The following CRTC3 variants were observed in gnomAD, a reference collection of about 807,000 sequenced individuals.
CRTC3 encodes CREB-regulated transcription coactivator 3.
In CRTC3, 26 loss-of-function variants were observed where a neutral mutation model predicts 74.5. That is an observed-to-expected ratio of 0.35 (90% confidence interval 0.26 to 0.48). The LOEUF (loss-of-function observed/expected upper bound fraction) is 0.48. CRTC3 is among the 20% of genes least tolerant of loss of function. The pLI is 0.99. For missense variants in CRTC3, 760 were observed against 787.3 expected, an observed-to-expected ratio of 0.97 and a Z score of 0.41; for synonymous variants, 377 against 325.8, an observed-to-expected ratio of 1.16 and a Z score of -1.69.
intron 6 of CRTC3, among the ~76,000 whole-genome samples, chr15:90,607,697 C>T (rs531116494): frequency 3.7e-4 from 57 of 152,344 alleles, no homozygotes; most frequent in Admixed American, 3.0e-3. Flanking sequence ...GCACGCTCTC[C>T]CTCTTGGTGT....
intron 2 of CRTC3, among the ~76,000 whole-genome samples, chr15:90,568,391 C>T (rs1224146165): frequency 2.0e-5 from 3 of 152,020 alleles, no homozygotes; most frequent in African/African-American, 7.3e-5. Context: ...CGCTCTGTCA[C>T]CCATGCTGGA....
intron 11 of CRTC3, among the ~76,000 whole-genome samples, chr15:90,637,551 TAA>T (rs1359162920): frequency 6.6e-6 from 1 of 151,746 alleles, no homozygotes; most frequent in Non-Finnish European, 1.5e-5. Flanking sequence ...CTTAAAAAAA[TAA>T]AATATTAAAG....
chr15:90,619,935 C>G, intron 9 of CRTC3, 145 bp downstream of exon 9: 1 of 662,558 alleles, frequency 1.5e-6, no homozygotes, highest in Non-Finnish European at 2.7e-6. Flanking sequence ...AAAACAGCCA[C>G]TCTCTTTTGA....
At chr15:90,601,079 G>A (rs1012286834) in intron 3 of CRTC3, among the ~76,000 whole-genome samples, 7 of 152,178 alleles carry the variant, frequency 4.6e-5, no homozygotes, top group African/African-American at 1.7e-4. Flanking sequence ...TTGCCTTTTA[G>A]GCTGAACAAA....
intron 3 of CRTC3, chr15:90,598,427 C>T (rs1180290479): frequency 1.4e-6 from 1 of 703,032 alleles, no homozygotes; most frequent in Admixed American, 2.0e-5. Flanking sequence ...AGAGTAAGAA[C>T]TGTTCCCTCT....
intron 11 of CRTC3, among the ~76,000 whole-genome samples, chr15:90,633,890 C>A (rs75062850): frequency 0.021 from 3,160 of 152,060 alleles, 130 homozygotes; most frequent in African/African-American, 0.073. Flanking sequence ...TTTCTGCTCT[C>A]ATTTTTAAAT....
At chr15:90,634,872 G>T in intron 11 of CRTC3, 1 of 1,554,522 alleles carries the variant, frequency 6.4e-7, no homozygotes, top group South Asian at 1.1e-5. Context: ...AGTCACTGTT[G>T]GATCGGGTTC....
At chr15:90,588,994 T>G (rs1326382574) in intron 2 of CRTC3, among the ~76,000 whole-genome samples, 1 of 152,232 alleles carries the variant, frequency 6.6e-6, no homozygotes, top group African/African-American at 2.4e-5. Flanking sequence ...GAACTTGAAC[T>G]GTTTCTTTGA....
intron 2 of CRTC3, among the ~76,000 whole-genome samples, chr15:90,584,448 G>T (rs981456545): frequency 1.3e-5 from 2 of 151,986 alleles, no homozygotes; most frequent in African/African-American, 2.4e-5. Flanking sequence ...TGTTGGTCAG[G>T]CTGGTCTCGA....
chr15:90,536,852 G>A (rs1371255728), intron 1 of CRTC3, among the ~76,000 whole-genome samples: 1 of 151,174 alleles, frequency 6.6e-6, no homozygotes, highest in African/African-American at 2.5e-5. Context: ...CTAAGGGGGT[G>A]GCCTCTTCTC....
chr15:90,535,379 A>G (rs1376334912), intron 1 of CRTC3, among the ~76,000 whole-genome samples: 1 of 152,070 alleles, frequency 6.6e-6, no homozygotes. Flanking sequence ...GACACAAAAG[A>G]TGTGTCCTTT....
At position 90,586,763 on chromosome 15, in the gene CRTC3, T is replaced by C. The variant is rs143977381; in HGVS notation, c.232-6873T>C. 9.9e-4 allele frequency among the ~76,000 whole-genome samples: 151 copies of C among 152,376 alleles called. 1 individual carries two copies. The highest frequency in any genetic ancestry group is 3.5e-3 in the African/African-American group (146 of 41,600). ...TTGGAAATTACATTTCTCCTGTTTTTAATAACTGTATAAAAATACAACTAT... is the reference window on the plus strand; with the variant it reads ...TTGGAAATTACATTTCTCCTGTTTTCAATAACTGTATAAAAATACAACTAT... On this transcript the variant is annotated intron_variant, in intron 2 of 14. Transcript: ENST00000268184.
rs147594643 is a variant in CRTC3 at position 90,634,915 on chromosome 15, G to T, written c.1267-3531G>T. 3.7e-3 allele frequency: 5,816 copies of T among 1,577,314 alleles called. 211 individuals are homozygous for T. In the African/African-American group the frequency reaches 0.07, roughly 19 times the overall value. ...AAGGCTGGAGAGATTCAACCAGTTA[G>T]CGTGAAAGTTGGAGATAAAGTTCTT... On this transcript the variant is annotated intron_variant, in intron 11 of 14. Coordinates refer to ENST00000268184, the MANE Select transcript of CRTC3 (RefSeq NM_022769.5).
At position 90,640,814 on chromosome 15, in the gene CRTC3, A is replaced by G. The variant is rs1373386604; in HGVS notation, c.1549-283A>G. Among the ~76,000 whole-genome samples, 3 of 152,180 alleles carry G rather than the reference A, an allele frequency of 2.0e-5. No homozygotes were observed. The East Asian group carries it at 5.8e-4, about 29-fold the overall frequency. On this transcript the variant is annotated intron_variant, in intron 13 of 14. Transcript: ENST00000268184. ...GCTGAGGACAGATGTCTGAGGGGCC[A>G]CAGAAACCATGAGCATTGGTGTCTC...
intron 10 of CRTC3, among the ~76,000 whole-genome samples, chr15:90,626,934 A>G (rs557170455): frequency 2.1e-4 from 32 of 152,366 alleles, no homozygotes; most frequent in African/African-American, 7.5e-4. Flanking sequence ...TGTCTAGGGC[A>G]GGTGATAATC....
chr15:90,535,727 G>A (rs1284819753), intron 1 of CRTC3, among the ~76,000 whole-genome samples: 3 of 152,164 alleles, frequency 2.0e-5, no homozygotes, highest in Admixed American at 2.0e-4. Context: ...GAGAGAAGAT[G>A]GAAATATTAG....
At chr15:90,613,337 T>A (rs1968411623) in intron 6 of CRTC3, among the ~76,000 whole-genome samples, 1 of 152,228 alleles carries the variant, frequency 6.6e-6, no homozygotes, top group Admixed American at 6.5e-5. Context: ...TTTCAGTCAC[T>A]TACTTAGAGT....
intron 13 of CRTC3, 26 bp from the exon 14 acceptor site, chr15:90,641,071 C>A (rs1159618135): frequency 6.7e-7 from 1 of 1,496,812 alleles, no homozygotes; most frequent in Non-Finnish European, 9.3e-7. Flanking sequence ...GTGTGGCCTT[C>A]CTCACATGAC....
rs1436499074 is a variant in CRTC3, at chr15:90,625,950, C to T, written c.924C>T (p.Asn308=). 6 of 1,614,124 alleles carry T rather than the reference C, an allele frequency of 3.7e-6. No homozygotes were observed. The African/African-American group carries it at 5.3e-5, about 14-fold the overall frequency. ...TGAGTGTGGGGAATAGTGTGAACAA[C>T]ATCCCAGCTGCTATGACCCACCTGG... is the stretch of plus-strand genomic sequence containing the variant. ...GSMSVGNSVN[N]IPAAMTHLGI... The change falls in exon 10 of 15, where the codon AAC becomes AAT. Residue 308 remains asparagine (N), a synonymous_variant. Transcript: ENST00000268184.
Sources: gnomAD v4.1 joint callset for allele counts (sites outside exome capture counted in the v4.1 genomes callset) on GRCh38, gnomAD v4.1.1 for gene constraint, MANE v1.5 for transcripts, NCBI Gene and HGNC (gene_info 2026-07-23, HGNC 2026-07-21) for gene names.